NMNAT2: variants seen among roughly 807,000 people sequenced by gnomAD.
NMNAT2 encodes nicotinamide nucleotide adenylyltransferase 2.
Under a neutral mutation model 41.6 loss-of-function variants are expected in NMNAT2, and 11 were observed. That is an observed-to-expected ratio of 0.26 (90% CI 0.17 to 0.44). NMNAT2 has a LOEUF of 0.44. NMNAT2 is among the 20% of genes least tolerant of loss of function. NMNAT2 has a pLI of 1.00. For synonymous variants in NMNAT2, 148 were observed against 151.2 expected (o/e 0.98, Z 0.16); for missense variants, 288 against 407.7 (o/e 0.71, Z 2.53).
At position 183,251,831 on chromosome 1, in the gene NMNAT2, G is replaced by T; in HGVS notation, c.*810C>A. 1.3e-5 allele frequency: 2 copies of T among 158,620 alleles called. No individual in the cohort carries two copies. Among genetic ancestry groups the T allele is most frequent in the South Asian group, 3.4e-4 (2 of 5,948 alleles). 9.8% of individuals were successfully genotyped at this position (158,620 alleles called of 1,614,324 possible). A position where few individuals can be genotyped will look rare whatever the true frequency, so the allele number is the denominator to read the frequency against. On this transcript the variant is annotated 3_prime_UTR_variant, in exon 11 of 11. Coordinates refer to ENST00000287713, the MANE Select transcript of NMNAT2 (RefSeq NM_015039.4). ...ACTCGTGTCCCAGGTTTCAGAACCC[G>T]AAAATCTCACTCCTGATCAAAGGTT... is the stretch of plus-strand genomic sequence containing the variant.
intron 1 of NMNAT2, among the ~76,000 whole-genome samples, chr1:183,363,321 T>C (rs1663344164): frequency 2.0e-5 from 3 of 152,222 alleles, no homozygotes; most frequent in Admixed American, 2.0e-4. Context: ...TAAAAATGGA[T>C]TGTATCTCTC....
chr1:183,418,184 A>G lies in NMNAT2; in HGVS notation c.84T>C (p.Phe28=). Reference sequence around the variant, plus strand: ...CCAGAGGTGGGCGGGAGGACTCACCAAACATCTGAATGTGCCCTTTGGTGA... The same window carrying G: ...CCAGAGGTGGGCGGGAGGACTCACCGAACATCTGAATGTGCCCTTTGGTGA... The part of the protein sequence containing the change: ...NPITKGHIQM[F]ERARDYLHKT... The change falls in exon 1 of 11, where the codon TTT becomes TTC. Residue 28 remains phenylalanine, a splice_region_variant and synonymous_variant. Coordinates refer to ENST00000287713, the MANE Select transcript of NMNAT2 (RefSeq NM_015039.4). The G allele has an allele frequency of 6.2e-7, 1 of 1,613,790 alleles. No individual in the cohort carries two copies. Among genetic ancestry groups the G allele is most frequent in the Non-Finnish European group, 8.5e-7 (1 of 1,179,908 alleles).
chr1:183,416,032 C>T (rs1210634276), intron 1 of NMNAT2, among the ~76,000 whole-genome samples: 4 of 152,278 alleles, frequency 2.6e-5, no homozygotes, highest in Non-Finnish European at 5.9e-5. Flanking sequence ...ATCGTTACTG[C>T]CAAAAGTCTC....
chr1:183,261,021 C>T lies in NMNAT2; in HGVS notation c.802G>A (p.Val268Ile), dbSNP rs767838476. 3 of 1,613,794 alleles carry T rather than the reference C, an allele frequency of 1.9e-6. No homozygotes were observed. The highest frequency in any genetic ancestry group is 4.5e-5 in the East Asian group (2 of 44,884). The change falls in exon 10 of 11, where the codon GTC becomes ATC. Residue 268 changes from valine to isoleucine, a missense_variant. Transcript: ENST00000287713. ...KDDINHPMSV[V>I]SSTKSRLALQ... Reference sequence around the variant, plus strand: ...ACATACCTGCTCTTGGTTGAGCTGACAACAGACATGGGATGGTTGATGTCA... The same window carrying T: ...ACATACCTGCTCTTGGTTGAGCTGATAACAGACATGGGATGGTTGATGTCA...
At chr1:183,254,717 A>T (rs1660474680) in intron 10 of NMNAT2, among the ~76,000 whole-genome samples, 1 of 152,240 alleles carries the variant, frequency 6.6e-6, no homozygotes, top group Non-Finnish European at 1.5e-5. Flanking sequence ...GATTATAGGT[A>T]TGAGCCATCA....
intron 1 of NMNAT2, among the ~76,000 whole-genome samples, chr1:183,404,704 CAAGCAATGCTTTAA>C (rs1557901713): frequency 6.6e-6 from 1 of 152,202 alleles, no homozygotes; most frequent in Non-Finnish European, 1.5e-5. Flanking sequence ...CAGTGCTTTA[CAAGCAATGCTTTAA>C]AGGCAATGCC....
intron 1 of NMNAT2, among the ~76,000 whole-genome samples, chr1:183,330,123 G>A (rs1288810520): frequency 6.6e-6 from 1 of 152,198 alleles, no homozygotes; most frequent in Non-Finnish European, 1.5e-5. Flanking sequence ...CTCCCCAGCT[G>A]CATGGACTCA....
At chr1:183,413,971 A>G (rs1030686461) in intron 1 of NMNAT2, among the ~76,000 whole-genome samples, 3 of 152,152 alleles carry the variant, frequency 2.0e-5, no homozygotes, top group African/African-American at 7.2e-5. Context: ...TTCTCACTGA[A>G]GCTTATTTCA....
At chr1:183,283,919 G>T (rs1157166944) in intron 7 of NMNAT2, 76 bp downstream of exon 7, 2 of 1,418,554 alleles carry the variant, frequency 1.4e-6, no homozygotes, top group Middle Eastern at 1.8e-4. Context: ...AAGCCTCTCT[G>T]CTCCCCATGT....
intron 8 of NMNAT2, among the ~76,000 whole-genome samples, chr1:183,275,344 CCT>C (rs1661096040): frequency 6.6e-6 from 1 of 152,058 alleles, no homozygotes; most frequent in African/African-American, 2.4e-5. Flanking sequence ...GAAATTTTTC[CCT>C]GTCTCAGACT....
chr1:183,312,109 C>G (rs1335636846), intron 1 of NMNAT2, among the ~76,000 whole-genome samples: 1 of 152,106 alleles, frequency 6.6e-6, no homozygotes, highest in East Asian at 1.9e-4. Flanking sequence ...ATTGCCCAGT[C>G]TCAGTTATGT....
intron 1 of NMNAT2, among the ~76,000 whole-genome samples, chr1:183,309,732 C>A (rs984371428): frequency 6.6e-6 from 1 of 152,274 alleles, no homozygotes; most frequent in East Asian, 1.9e-4. Flanking sequence ...CACTGTCCCC[C>A]CAAGCCCAAG....
At chr1:183,311,057 G>A (rs1275240384) in intron 1 of NMNAT2, among the ~76,000 whole-genome samples, 1 of 152,146 alleles carries the variant, frequency 6.6e-6, no homozygotes, top group African/African-American at 2.4e-5. Context: ...ATGGAGATTT[G>A]CCCCTGCTTG....
intron 10 of NMNAT2, among the ~76,000 whole-genome samples, chr1:183,253,597 A>G (rs1381960487): frequency 2.6e-5 from 4 of 151,890 alleles, no homozygotes; most frequent in Admixed American, 6.6e-5. Context: ...TCTGCCCTCC[A>G]CACTTGACCC....
intron 1 of NMNAT2, among the ~76,000 whole-genome samples, chr1:183,406,541 A>T (rs1482496719): frequency 7.2e-5 from 11 of 152,216 alleles, no homozygotes. Flanking sequence ...GAAAGATCTC[A>T]AGCAGAGATT....
intron 1 of NMNAT2, among the ~76,000 whole-genome samples, chr1:183,330,644 A>T (rs1662563064): frequency 6.6e-6 from 1 of 152,266 alleles, no homozygotes; most frequent in Non-Finnish European, 1.5e-5. Flanking sequence ...TGCACGCCTC[A>T]GAAAGTCTGG....
intron 1 of NMNAT2, among the ~76,000 whole-genome samples, chr1:183,397,570 A>G (rs1648684819): frequency 1.3e-5 from 2 of 152,104 alleles, no homozygotes; most frequent in Non-Finnish European, 2.9e-5. Flanking sequence ...GAACGCCACA[A>G]AGACTCCTCG....
At chr1:183,389,792 G>T (rs916306201) in intron 1 of NMNAT2, among the ~76,000 whole-genome samples, 9 of 63,894 alleles carry the variant, frequency 1.4e-4, no homozygotes, top group Non-Finnish European at 2.0e-4. Flanking sequence ...AAGAAAGAAA[G>T]AAAGAAAGAA....
intron 1 of NMNAT2, among the ~76,000 whole-genome samples, chr1:183,382,624 C>T (rs1290570419): frequency 6.6e-6 from 1 of 152,164 alleles, no homozygotes; most frequent in East Asian, 1.9e-4. Context: ...TACATCCATT[C>T]CAAAAAGGAG....
Sources: gnomAD v4.1 joint callset for allele counts (sites outside exome capture counted in the v4.1 genomes callset) on GRCh38, gnomAD v4.1.1 for gene constraint, MANE v1.5 for transcripts, NCBI Gene and HGNC (gene_info 2026-07-23, HGNC 2026-07-21) for gene names.